The following ARHGAP26 variants were observed in gnomAD, a reference collection of about 807,000 sequenced individuals.
The protein encoded by ARHGAP26 is rho GTPase-activating protein 26.
ARHGAP26 carries 38 observed loss-of-function variants against 104.8 expected under a neutral mutation model. The observed-to-expected ratio is 0.36, with a 90% confidence interval of 0.28 to 0.48. ARHGAP26 has a LOEUF of 0.48. Ranked by LOEUF, ARHGAP26 falls within the 20% of genes least tolerant of loss-of-function variation. The pLI, the probability that ARHGAP26 is intolerant of heterozygous loss-of-function variation, is 0.99. For synonymous variants in ARHGAP26, 341 were observed against 340.0 expected (o/e 1.00, Z -0.03); for missense variants, 704 against 947.9 (o/e 0.74, Z 3.38).
At chr5:142,808,178 C>T (rs1398746526) in intron 1 of ARHGAP26, among the ~76,000 whole-genome samples, 3 of 122,248 alleles carry the variant, frequency 2.5e-5, no homozygotes, top group South Asian at 2.8e-4. Flanking sequence ...GAGCTTGCAG[C>T]GAGCTGAGAT....
chr5:142,967,001 G>A (rs945765036), intron 11 of ARHGAP26, among the ~76,000 whole-genome samples: 1 of 152,102 alleles, frequency 6.6e-6, no homozygotes, highest in African/African-American at 2.4e-5. Flanking sequence ...TGTATATAGT[G>A]CATATTGTAC....
intron 12 of ARHGAP26, among the ~76,000 whole-genome samples, chr5:143,025,948 T>C (rs1780990808): frequency 6.6e-6 from 1 of 150,954 alleles, no homozygotes; most frequent in South Asian, 2.1e-4. Context: ...TTTCTGTGTG[T>C]TTGTTTTCAA....
intron 12 of ARHGAP26, among the ~76,000 whole-genome samples, chr5:143,034,070 A>G (rs1782270627): frequency 6.6e-6 from 1 of 152,218 alleles, no homozygotes; most frequent in Non-Finnish European, 1.5e-5. Flanking sequence ...GACACCCACT[A>G]GGATGGCTAT....
At chr5:142,835,688 T>G (rs1769413148) in intron 1 of ARHGAP26, among the ~76,000 whole-genome samples, 2 of 152,208 alleles carry the variant, frequency 1.3e-5, no homozygotes, top group Admixed American at 1.3e-4. Context: ...TTCCCTGAGC[T>G]TAGTACTTTT....
chr5:143,008,083 A>G (rs888651151), intron 11 of ARHGAP26, among the ~76,000 whole-genome samples: 1 of 152,236 alleles, frequency 6.6e-6, no homozygotes, highest in Non-Finnish European at 1.5e-5. Context: ...GGAAAATGAC[A>G]GTGATGAAGA....
intron 20 of ARHGAP26, among the ~76,000 whole-genome samples, chr5:143,163,896 C>T (rs748299518): frequency 6.6e-6 from 1 of 151,814 alleles, no homozygotes; most frequent in Non-Finnish European, 1.5e-5. Context: ...TTCAAGAAAA[C>T]TTAAAATTTG....
chr5:143,211,634 T>G (rs1809483263), intron 21 of ARHGAP26, among the ~76,000 whole-genome samples: 1 of 151,728 alleles, frequency 6.6e-6, no homozygotes, highest in Admixed American at 6.6e-5. Flanking sequence ...TGGTGCAATC[T>G]CAGCTCACTG....
chr5:142,824,169 C>A (rs972757946), intron 1 of ARHGAP26, among the ~76,000 whole-genome samples: 2 of 152,078 alleles, frequency 1.3e-5, no homozygotes, highest in African/African-American at 4.8e-5. Context: ...TGCTGCAGTT[C>A]GCGTTCCCAT....
intron 12 of ARHGAP26, among the ~76,000 whole-genome samples, chr5:143,036,667 T>C (rs1782687145): frequency 6.6e-6 from 1 of 152,218 alleles, no homozygotes; most frequent in African/African-American, 2.4e-5. Context: ...TGGCTCTGCA[T>C]CTTTGGTCAA....
intron 10 of ARHGAP26, among the ~76,000 whole-genome samples, chr5:142,923,224 G>C (rs988176805): frequency 6.6e-6 from 1 of 151,994 alleles, no homozygotes; most frequent in African/African-American, 2.4e-5. Context: ...TCTTTAGTCT[G>C]CCTGGTGAAA....
intron 18 of ARHGAP26, among the ~76,000 whole-genome samples, chr5:143,123,029 C>T (rs770044514): frequency 1.4e-4 from 22 of 152,168 alleles, no homozygotes; most frequent in Admixed American, 6.5e-5. Flanking sequence ...AAAGCAGGGA[C>T]GTTGTGTTTT....
chr5:143,188,478 G>A (rs1413313810), intron 20 of ARHGAP26, among the ~76,000 whole-genome samples: 3 of 152,200 alleles, frequency 2.0e-5, no homozygotes, highest in Non-Finnish European at 4.4e-5. Flanking sequence ...CCTTCCCGGA[G>A]GGGAGTCTCC....
At chr5:142,778,493 G>C (rs1390544900) in intron 1 of ARHGAP26, among the ~76,000 whole-genome samples, 3 of 152,010 alleles carry the variant, frequency 2.0e-5, no homozygotes, top group Admixed American at 6.5e-5. Context: ...TTTGTGTTTT[G>C]CTTTTCGAGT....
intron 11 of ARHGAP26, among the ~76,000 whole-genome samples, chr5:143,002,396 G>A (rs1777308541): frequency 6.9e-6 from 1 of 145,248 alleles, no homozygotes; most frequent in Non-Finnish European, 1.5e-5. Flanking sequence ...GTTGGGGGTT[G>A]GGGGTTGGGG....
chr5:142,810,866 TACATA>T (rs1410727342), intron 1 of ARHGAP26, among the ~76,000 whole-genome samples: 1 of 152,248 alleles, frequency 6.6e-6, no homozygotes, highest in Non-Finnish European at 1.5e-5. Context: ...GTTTGTGTCC[TACATA>T]AAGCGATTTG....
At chr5:142,907,441 T>C (rs1761249138) in intron 8 of ARHGAP26, 2 of 218,214 alleles carry the variant, frequency 9.2e-6, no homozygotes, top group Non-Finnish European at 1.8e-5. Context: ...TTCCGTTGTA[T>C]TTTAAGACCC....
chr5:142,922,469 G>C (rs1352962369), intron 10 of ARHGAP26, among the ~76,000 whole-genome samples: 1 of 152,042 alleles, frequency 6.6e-6, no homozygotes, highest in Non-Finnish European at 1.5e-5. Context: ...ATAATCATGA[G>C]AGTATTATTC....
chr5:143,000,988 T>C (rs763605358), intron 11 of ARHGAP26, among the ~76,000 whole-genome samples: 1 of 151,978 alleles, frequency 6.6e-6, no homozygotes, highest in Non-Finnish European at 1.5e-5. Context: ...GGCACATGTA[T>C]ACCTATGTAA....
At chr5:143,098,499 C>T (rs1792741723) in intron 17 of ARHGAP26, among the ~76,000 whole-genome samples, 1 of 152,118 alleles carries the variant, frequency 6.6e-6, no homozygotes, top group African/African-American at 2.4e-5. Flanking sequence ...ATTGATCAAT[C>T]TACCCTCAAA....
Sources: gnomAD v4.1 joint callset for allele counts (sites outside exome capture counted in the v4.1 genomes callset) on GRCh38, gnomAD v4.1.1 for gene constraint, MANE v1.5 for transcripts, NCBI Gene and HGNC (gene_info 2026-07-23, HGNC 2026-07-21) for gene names.